TRIM14: variants seen among roughly 807,000 people sequenced by gnomAD.
TRIM14 encodes tripartite motif containing 14.
In TRIM14, 28 loss-of-function variants were observed where a neutral mutation model predicts 44.5. That is an observed-to-expected ratio of 0.63 (90% CI 0.47 to 0.86). The LOEUF (loss-of-function observed/expected upper bound fraction) is 0.86, where lower values mean the gene tolerates loss of function less well. Among genes scored for constraint, TRIM14 ranks in the 40% least tolerant of loss-of-function variants. The probability of loss-of-function intolerance (pLI) is 0.00; values close to 1 mark genes in which losing one functional copy is unlikely to be tolerated. For synonymous variants in TRIM14, 299 were observed against 269.2 expected, an observed-to-expected ratio of 1.11 and a Z score of -1.08; for missense variants, 607 against 611.1, an observed-to-expected ratio of 0.99 and a Z score of 0.07.
At chr9:98,062,155 A>G in the TRIM14 span, among the ~76,000 whole-genome samples, 3 of 151,738 alleles carry the variant, frequency 2.0e-5, no homozygotes, top group Non-Finnish European at 4.4e-5. Context: ...GCAGTTAGCC[A>G]TGACTGGACC....
downstream of TRIM14, among the ~76,000 whole-genome samples, chr9:98,080,599 T>C (rs373738343): frequency 4.6e-5 from 7 of 152,292 alleles, no homozygotes; most frequent in African/African-American, 1.7e-4. Flanking sequence ...TTTAGAGCAT[T>C]TACAATGTGC....
chr9:98,085,681 C>G lies in TRIM14; in HGVS notation c.*1789G>C, dbSNP rs1421699794. The G allele has an allele frequency of 6.6e-6, 1 of 152,112 alleles. No homozygotes were observed. Among genetic ancestry groups the G allele is most frequent in the Non-Finnish European group, 1.5e-5 (1 of 68,032 alleles). 9.4% of individuals were successfully genotyped at this position (152,112 alleles called of 1,614,324 possible). Reference sequence around the variant, plus strand: ...TTCCTGCAGCATAGTGCTTAAAACTCTGTCCAGCCAGAGTTTTAAAGTCTT... The same window carrying G: ...TTCCTGCAGCATAGTGCTTAAAACTGTGTCCAGCCAGAGTTTTAAAGTCTT... On this transcript the variant is annotated 3_prime_UTR_variant, in exon 6 of 6. Transcript: ENST00000341469.
chr9:98,055,007 G>A, the TRIM14 span, among the ~76,000 whole-genome samples: 3 of 152,266 alleles, frequency 2.0e-5, no homozygotes, highest in East Asian at 1.9e-4. Context: ...AGGGATCAGA[G>A]GTTTTTGGGG....
the TRIM14 span, among the ~76,000 whole-genome samples, chr9:98,059,864 A>G: frequency 2.6e-5 from 4 of 152,084 alleles, no homozygotes; most frequent in African/African-American, 9.7e-5. Flanking sequence ...AGAAAATGTC[A>G]TGGAGAAAAG....
chr9:98,105,479 T>C (rs567097114), intron 2 of TRIM14, among the ~76,000 whole-genome samples: 1 of 152,276 alleles, frequency 6.6e-6, no homozygotes, highest in Non-Finnish European at 1.5e-5. Flanking sequence ...TTCGGGAGGC[T>C]GAGGCAGGAG....
the TRIM14 span, among the ~76,000 whole-genome samples, chr9:98,036,411 G>A: frequency 1.3e-5 from 2 of 149,246 alleles, no homozygotes; most frequent in African/African-American, 2.5e-5. Flanking sequence ...TGAAGCAGGA[G>A]AATCGCAGGA....
the TRIM14 span, among the ~76,000 whole-genome samples, chr9:98,041,934 T>C: frequency 2.0e-5 from 3 of 151,466 alleles, no homozygotes; most frequent in African/African-American, 4.8e-5. Flanking sequence ...CTGCCCGCCT[T>C]GGCCTCCCGA....
At chr9:98,038,952 A>AG in the TRIM14 span, among the ~76,000 whole-genome samples, 4 of 151,452 alleles carry the variant, frequency 2.6e-5, no homozygotes, top group African/African-American at 9.7e-5. Flanking sequence ...GGGGAGGCTG[A>AG]GGCAGGAGAA....
At chr9:98,079,947 C>T (rs1829778246), downstream of TRIM14, among the ~76,000 whole-genome samples, 1 of 152,266 alleles carries the variant, frequency 6.6e-6, no homozygotes, top group African/African-American at 2.4e-5. Flanking sequence ...GACACCGTGG[C>T]TCATGCCAGT....
intron 1 of TRIM14, 60 bp from the exon 2 acceptor site, chr9:98,110,044 C>G: frequency 7.6e-7 from 1 of 1,318,994 alleles, no homozygotes; most frequent in East Asian, 2.3e-5. Context: ...ATAACAGGCC[C>G]CCCACAGGGG....
chr9:98,058,607 T>C, the TRIM14 span, among the ~76,000 whole-genome samples: 1 of 152,192 alleles, frequency 6.6e-6, no homozygotes, highest in Non-Finnish European at 1.5e-5. Context: ...TGTAGAAATA[T>C]CTAGAGATAC....
downstream of TRIM14, among the ~76,000 whole-genome samples, chr9:98,080,291 CCCTCA>C (rs1829796230): frequency 6.6e-6 from 1 of 152,200 alleles, no homozygotes; most frequent in Non-Finnish European, 1.5e-5. Context: ...TTTCTGGTCA[CCCTCA>C]CCAACAAGAC....
intron 3 of TRIM14, among the ~76,000 whole-genome samples, 168 bp downstream of exon 3, chr9:98,099,763 A>G (rs988047607): frequency 2.0e-5 from 3 of 152,182 alleles, no homozygotes; most frequent in Non-Finnish European, 4.4e-5. Context: ...TCTTCCTAAC[A>G]ATGTATATTC....
the TRIM14 span, among the ~76,000 whole-genome samples, chr9:98,037,337 C>T: frequency 2.6e-5 from 4 of 152,266 alleles, no homozygotes; most frequent in Non-Finnish European, 1.5e-5. Flanking sequence ...GAGATCGTGC[C>T]ACTGCACTCC....
rs558755315 is a variant in TRIM14, at chr9:98,070,306, C to T, written c.*29-619G>A. ...CTAATTTTTGTATTTTTAGTAGAGACGGGGTTTCACCATGTTGACCAGGCT... is the reference window on the plus strand; with the variant it reads ...CTAATTTTTGTATTTTTAGTAGAGATGGGGTTTCACCATGTTGACCAGGCT... On this transcript the variant is annotated intron_variant, in intron 6 of 6. Coordinates refer to the TRIM14 transcript ENST00000375098. Among the ~76,000 whole-genome samples, 269 of 152,038 alleles carry T rather than the reference C, an allele frequency of 1.8e-3. 1 individual carries two copies. Among genetic ancestry groups the T allele is most frequent in the Middle Eastern group, 6.8e-3 (2 of 294 alleles).
chr9:98,043,492 C>G, the TRIM14 span, among the ~76,000 whole-genome samples: 2 of 152,116 alleles, frequency 1.3e-5, no homozygotes, highest in African/African-American at 4.8e-5. Flanking sequence ...GCAAACAACT[C>G]TTAGGTGAAA....
chr9:98,110,898 T>TAAAATAAAATAAAATAAAATAAAA (rs397972245), intron 1 of TRIM14, among the ~76,000 whole-genome samples: 9 of 151,428 alleles, frequency 5.9e-5, no homozygotes, highest in African/African-American at 2.2e-4. Context: ...TAAAATAAAA[T>TAAAATAAAATAAAATAAAATAAAA]TAGCTGGGCA....
In TRIM14 at chr9:98,103,836, C is replaced by CA. The variant is rs60368742; in HGVS notation, c.304-3673dup. 9.9e-3 allele frequency among the ~76,000 whole-genome samples: 739 copies of CA among 74,360 alleles called. 8 individuals are homozygous for CA. The highest frequency in any genetic ancestry group is 0.023 in the African/African-American group (460 of 19,670). 48.8% of individuals were successfully genotyped at this position (74,360 alleles called of 152,430 possible). ...CTGGCAACAGAGCGAGACTCCGTCT[C>CA]AAAAAAAAAAAAAAAAAAAATTAAA... is the stretch of plus-strand genomic sequence containing the variant. On this transcript the variant is annotated intron_variant, in intron 2 of 5. Coordinates refer to ENST00000341469, the MANE Select transcript of TRIM14 (RefSeq NM_014788.4).
At chr9:98,069,158 A>C (rs1181617120), downstream of TRIM14, 1 of 152,248 alleles carries the variant, frequency 6.6e-6, no homozygotes, top group Non-Finnish European at 1.5e-5. Context: ...TACAACTTTT[A>C]TTCTTAGTAG....
Sources: allele counts gnomAD v4.1 joint callset (sites outside exome capture counted in the v4.1 genomes callset), GRCh38; gene constraint gnomAD v4.1.1; transcripts MANE v1.5; gene names NCBI Gene and HGNC (gene_info 2026-07-23, HGNC 2026-07-21).